The following PDE1C variants were observed in gnomAD, a reference collection of about 807,000 sequenced individuals.
PDE1C encodes the protein dual specificity calcium/calmodulin-dependent 3',5'-cyclic nucleotide phosphodiesterase 1C.
In PDE1C, 62 loss-of-function variants were observed where a neutral mutation model predicts 93.1. The ratio of observed to expected loss-of-function variants is 0.67; its 90% confidence interval spans 0.54 to 0.82. PDE1C has a LOEUF of 0.82. Among genes scored for constraint, PDE1C ranks in the 40% least tolerant of loss-of-function variants. The pLI is 0.00. For missense variants in PDE1C, 742 were observed against 884.6 expected (o/e 0.84, Z 2.04); for synonymous variants, 325 against 310.1 (o/e 1.05, Z -0.50).
the PDE1C span, among the ~76,000 whole-genome samples, chr7:31,687,906 A>G: frequency 2.0e-5 from 3 of 152,216 alleles, no homozygotes; most frequent in African/African-American, 7.2e-5. Context: ...TCTTCAGAAT[A>G]CCGTATGGTA....
At chr7:32,152,159 C>T (rs984156210) in intron 3 of PDE1C, among the ~76,000 whole-genome samples, 5 of 152,164 alleles carry the variant, frequency 3.3e-5, no homozygotes, top group African/African-American at 1.2e-4. Context: ...ATTCTCTGTG[C>T]TCCTGTTTCC....
Position 31,753,266 on chromosome 7 carries a change from G to A in PDE1C, c.*118C>T. 1.5e-6 allele frequency: 2 copies of A among 1,301,928 alleles called. No individual in the cohort carries two copies. The highest frequency in any genetic ancestry group is 2.4e-5 in the East Asian group (1 of 41,726). 80.6% of individuals were successfully genotyped at this position (1,301,928 alleles called of 1,614,324 possible). ...CATTTCACCTTGGTGGAGTCAACCA[G>A]GATAGTACCTGCTCCAACAGCCTCC... On this transcript the variant is annotated 3_prime_UTR_variant, in exon 18 of 18. Transcript: ENST00000396191.
In PDE1C at chr7:32,307,960, G is replaced by A. The variant is rs112077121; in HGVS notation, c.311-98421C>T. ...TCTCACTTGGGAAGTGCAAGGGGTC[G>A]GGGAGTTCCCTTTCCTAGTCAAAGA... On this transcript the variant is annotated intron_variant, in intron 1 of 1. Coordinates refer to the PDE1C transcript ENST00000672256. Among the ~76,000 whole-genome samples, 49 of 152,328 alleles carry A rather than the reference G, an allele frequency of 3.2e-4. No individual in the cohort carries two copies. The South Asian group carries it at 8.3e-3, about 26-fold the overall frequency.
the PDE1C span, chr7:31,642,702 C>A: frequency 1.2e-6 from 2 of 1,613,704 alleles, no homozygotes; most frequent in South Asian, 2.2e-5. Context: ...TGCCAAACAG[C>A]CAGAGTCCTG....
At chr7:32,267,171 C>T (rs1251794868) in intron 1 of PDE1C, among the ~76,000 whole-genome samples, 2 of 152,194 alleles carry the variant, frequency 1.3e-5, no homozygotes, top group African/African-American at 2.4e-5. Context: ...GTTAGAGACC[C>T]GACCCTGAGC....
chr7:31,655,972 C>T, the PDE1C span: 1 of 985,426 alleles, frequency 1.0e-6, no homozygotes, highest in Non-Finnish European at 1.2e-6. Flanking sequence ...AATTCTATTC[C>T]CCTAAACCAC....
chr7:32,282,107 T>C (rs1472096647), intron 1 of PDE1C, among the ~76,000 whole-genome samples: 2 of 150,456 alleles, frequency 1.3e-5, no homozygotes, highest in Admixed American at 6.6e-5. Context: ...TGTATACATA[T>C]GTAACAAAAC....
At chr7:32,142,317 C>T (rs796151714) in intron 3 of PDE1C, among the ~76,000 whole-genome samples, 5 of 152,230 alleles carry the variant, frequency 3.3e-5, no homozygotes, top group African/African-American at 9.6e-5. Flanking sequence ...AGAATAACAT[C>T]GCAATAGCAG....
intron 1 of PDE1C, among the ~76,000 whole-genome samples, chr7:32,389,209 T>G (rs1456325325): frequency 6.2e-5 from 7 of 112,498 alleles, no homozygotes; most frequent in South Asian, 2.7e-4. Flanking sequence ...GGTTTTTGTT[T>G]GTTTGTTTGT....
At chr7:32,275,798 C>T (rs1356674282) in intron 1 of PDE1C, among the ~76,000 whole-genome samples, 2 of 152,134 alleles carry the variant, frequency 1.3e-5, no homozygotes, top group Non-Finnish European at 2.9e-5. Context: ...TCCCAAACCC[C>T]ACGACCACAC....
At chr7:32,223,440 G>T (rs1322359281) in intron 1 of PDE1C, among the ~76,000 whole-genome samples, 1 of 152,152 alleles carries the variant, frequency 6.6e-6, no homozygotes, top group Non-Finnish European at 1.5e-5. Flanking sequence ...AGGCCATATA[G>T]CAAGTAAATG....
chr7:31,890,340 T>C (rs1267032565), intron 2 of PDE1C, among the ~76,000 whole-genome samples: 3 of 152,192 alleles, frequency 2.0e-5, no homozygotes, highest in Non-Finnish European at 4.4e-5. Context: ...TCTGTCTTAA[T>C]AGACCAAAGA....
chr7:32,054,433 C>T lies in PDE1C; in HGVS notation c.102-2853G>A, dbSNP rs1008468548. On this transcript the variant is annotated intron_variant, in intron 1 of 17. Transcript: ENST00000396191. ...TTAAATTTGTCATGTAGTGTGCCTG[C>T]CATGTAAGAGGCATTCTAAGATTTT... is the stretch of plus-strand genomic sequence containing the variant. Among the ~76,000 whole-genome samples the T allele has an allele frequency of 3.3e-5, 5 of 152,144 alleles. No individual in the cohort carries two copies. The East Asian group carries it at 5.8e-4, about 18-fold the overall frequency.
chr7:31,995,377 G>A (rs999880355), intron 2 of PDE1C, among the ~76,000 whole-genome samples: 3 of 152,068 alleles, frequency 2.0e-5, no homozygotes, highest in South Asian at 2.1e-4. Flanking sequence ...AAACTTGCAC[G>A]CCTACCTGCA....
At chr7:32,111,205 A>G (rs1798621097) in intron 3 of PDE1C, among the ~76,000 whole-genome samples, 1 of 152,196 alleles carries the variant, frequency 6.6e-6, no homozygotes, top group Non-Finnish European at 1.5e-5. Context: ...AGAAAATTAA[A>G]TCAGTAAGTA....
chr7:31,625,447 A>C, the PDE1C span, among the ~76,000 whole-genome samples: 4 of 152,170 alleles, frequency 2.6e-5, no homozygotes, highest in Non-Finnish European at 5.9e-5. Flanking sequence ...CAGCCATAAA[A>C]AATGATGAGT....
intron 2 of PDE1C, among the ~76,000 whole-genome samples, chr7:32,028,961 G>C (rs1030481143): frequency 6.6e-6 from 1 of 151,942 alleles, no homozygotes; most frequent in Non-Finnish European, 1.5e-5. Context: ...ACAATCTACA[G>C]ACTTGGAGAA....
the PDE1C span, among the ~76,000 whole-genome samples, chr7:31,719,307 A>G: frequency 6.6e-6 from 1 of 152,164 alleles, no homozygotes; most frequent in Non-Finnish European, 1.5e-5. Flanking sequence ...AGCTTCATTA[A>G]CTTCCAGGAA....
intron 1 of PDE1C, among the ~76,000 whole-genome samples, chr7:32,350,554 A>AGTC (rs1783943480): frequency 6.4e-4 from 1 of 1,554 alleles, no homozygotes; most frequent in Non-Finnish European, 3.2e-3. Flanking sequence ...ACTAATATAT[A>AGTC]TATATATATA....
Sources: allele counts gnomAD v4.1 joint callset (sites outside exome capture counted in the v4.1 genomes callset), GRCh38; gene constraint gnomAD v4.1.1; transcripts MANE v1.5; gene names NCBI Gene and HGNC (gene_info 2026-07-23, HGNC 2026-07-21).